Variants in ARHGAP30 observed in about 807,000 individuals in gnomAD.
ARHGAP30 encodes Rho GTPase activating protein 30.
ARHGAP30 carries 23 observed loss-of-function variants against 72.0 expected under a neutral mutation model. That is an observed-to-expected ratio of 0.32 (90% confidence interval 0.23 to 0.45). The LOEUF (loss-of-function observed/expected upper bound fraction) is 0.45. Ranked by LOEUF, ARHGAP30 falls within the 20% of genes least tolerant of loss-of-function variation. ARHGAP30 has a pLI of 1.00. For synonymous variants in ARHGAP30, 576 were observed against 528.2 expected (o/e 1.09, Z -1.24); for missense variants, 1,319 against 1,383.4 (o/e 0.95, Z 0.74).
intron 1 of ARHGAP30, among the ~76,000 whole-genome samples, chr1:161,065,577 T>A (rs1652697228): frequency 6.6e-6 from 1 of 152,050 alleles, no homozygotes; most frequent in Middle Eastern, 3.2e-3. Context: ...TTTCTTTTTT[T>A]TTCTGAGACG....
At chr1:161,054,547 A>G (rs1347828172) in intron 4 of ARHGAP30, 74 bp from the exon 5 acceptor site, 3 of 1,599,774 alleles carry the variant, frequency 1.9e-6, no homozygotes. Flanking sequence ...TGGGAGCAGT[A>G]GGACCCAGTT....
In ARHGAP30 at chr1:161,059,517, C is replaced by G. The variant is rs1571106502; in HGVS notation, c.200+97G>C. The G allele has an allele frequency of 4.8e-6, 5 of 1,032,792 alleles. No individual in the cohort carries two copies. In the East Asian group the frequency reaches 1.2e-4, roughly 25 times the overall value. 64.0% of individuals were successfully genotyped at this position (1,032,792 alleles called of 1,614,324 possible). ...CTGTGTTTCCTTCTCCCCACTGCCT[C>G]TCACTCCCCATCTCTGCTGTCCTCA... On this transcript the variant is annotated intron_variant, in intron 2 of 11. Transcript: ENST00000368013.
Position 161,052,725 on chromosome 1 carries a change from G to C in ARHGAP30, c.737C>G (p.Pro246Arg). The C allele has an allele frequency of 6.2e-7, 1 of 1,612,626 alleles. No homozygotes were observed. Among genetic ancestry groups the C allele is most frequent in the East Asian group, 2.2e-5 (1 of 44,886 alleles). ...AGGCAGGTGATAAGGCAGTGGCCTG[G>C]GCATAAGGTCCTCGGGGCTGCCTGA... is the stretch of plus-strand genomic sequence containing the variant. Reference protein sequence around the residue: ...RASGSPEDLMPRPLPYHLPSI... With the variant: ...RASGSPEDLMRRPLPYHLPSI... The change falls in exon 7 of 12, where the codon CCC becomes CGC. Residue 246 changes from proline to arginine, a missense_variant. Around this residue, in one of 2 missense-constraint regions of ARHGAP30, gnomAD observed 222 missense variants for 338.2 expected, o/e 0.66. Transcript: ENST00000368013.
chr1:161,047,988 C>T lies in ARHGAP30; in HGVS notation c.3033G>A (p.Glu1011=), dbSNP rs1263408929. Residue 1011 remains glutamate (E), a synonymous_variant, in exon 12 of 12, where the codon GAG becomes GAA. Coordinates refer to ENST00000368013, the MANE Select transcript of ARHGAP30 (RefSeq NM_001025598.2). ...VALARDRQRT[E]AQGVRRTQTC... ...TCTGGGTTCGCCGAACTCCTTGAGC[C>T]TCAGTCCTTTGGCGGTCCCGGGCTA... 13 of 1,614,052 alleles carry T rather than the reference C, an allele frequency of 8.1e-6. No individual in the cohort carries two copies. The highest frequency in any genetic ancestry group is 1.1e-5 in the Non-Finnish European group (13 of 1,180,028).
In ARHGAP30 at chr1:161,048,548, C is replaced by T. The variant is rs1651063810; in HGVS notation, c.2473G>A (p.Ala825Thr). 1.9e-6 allele frequency: 3 copies of T among 1,614,034 alleles called. No homozygotes were observed. The highest frequency in any genetic ancestry group is 2.5e-6 in the Non-Finnish European group (3 of 1,180,044). Reference sequence around the variant, plus strand: ...TCCCCTGCTCCTCCTTCAGTTGCTGCTTCTGGGCTTCTGCTGTCTTCACCA... The same window carrying T: ...TCCCCTGCTCCTCCTTCAGTTGCTGTTTCTGGGCTTCTGCTGTCTTCACCA... ...GDGEDSRSPE[A>T]ATEGGAGEVS... is the part of the protein sequence containing the mutation. Residue 825 changes from alanine (A) to threonine (T), a missense_variant, in exon 12 of 12, where the codon GCA becomes ACA. Coordinates refer to ENST00000368013, the MANE Select transcript of ARHGAP30 (RefSeq NM_001025598.2).
intron 1 of ARHGAP30, among the ~76,000 whole-genome samples, chr1:161,063,802 G>GCC (rs199777394): frequency 6.6e-6 from 1 of 151,512 alleles, no homozygotes; most frequent in Non-Finnish European, 1.5e-5. Flanking sequence ...GTCTCTGAAC[G>GCC]CCCCCCCCAC....
At chr1:161,064,831 GAGAAAGAAAGAAAGAAAGGAA>G (rs1171898677) in intron 1 of ARHGAP30, among the ~76,000 whole-genome samples, 2 of 73,834 alleles carry the variant, frequency 2.7e-5, no homozygotes, top group East Asian at 5.6e-4. Flanking sequence ...AAGAAAGAAA[GAGAAAGAAAGAAAGAAAGGAA>G]AGGAAGGAGA....
At position 161,049,628 on chromosome 1, in the gene ARHGAP30, C is replaced by G; in HGVS notation, c.1482G>C (p.Leu494Phe). 3 of 1,614,052 alleles carry G rather than the reference C, an allele frequency of 1.9e-6. No homozygotes were observed. The African/African-American group carries it at 4.0e-5, about 22-fold the overall frequency. Residue 494 changes from leucine to phenylalanine, a missense_variant, in exon 11 of 12, where the codon TTG becomes TTC. Physicochemically the swap from Leu to Phe is conservative, Grantham distance 22. This residue lies in a region of ARHGAP30 where 1,097 missense variants were observed against 1,045.2 expected (regional missense o/e 1.05). Transcript: ENST00000368013. Reference sequence around the variant, plus strand: ...ACAGCGAGTCCTCCAGGGCAGGAGCCAAGTCGTCTGGGCCTGAGTCTGCCA... The same window carrying G: ...ACAGCGAGTCCTCCAGGGCAGGAGCGAAGTCGTCTGGGCCTGAGTCTGCCA... The part of the protein sequence containing the change: ...SPLADSGPDD[L>F]APALEDSLSQ...
chr1:161,061,798 T>C (rs907055635), intron 1 of ARHGAP30, among the ~76,000 whole-genome samples: 2 of 152,058 alleles, frequency 1.3e-5, no homozygotes, highest in African/African-American at 4.8e-5. Flanking sequence ...TGATAGATCC[T>C]CAAAAATGGC....
chr1:161,055,881 A>AAAATAAATAAAATAAAAT (rs1553217954), intron 3 of ARHGAP30, among the ~76,000 whole-genome samples: 12 of 53,708 alleles, frequency 2.2e-4, no homozygotes, highest in Admixed American at 5.7e-4. Flanking sequence ...AAAATAAAAT[A>AAAATAAATAAAATAAAAT]AAAATAAATA....
Position 161,047,987 on chromosome 1 carries a change from C to T in ARHGAP30, c.3034G>A (p.Ala1012Thr). The T allele has an allele frequency of 6.2e-7, 1 of 1,614,150 alleles. No individual in the cohort carries two copies. The highest frequency in any genetic ancestry group is 1.1e-5 in the South Asian group (1 of 91,088). Reference sequence around the variant, plus strand: ...GTCTGGGTTCGCCGAACTCCTTGAGCCTCAGTCCTTTGGCGGTCCCGGGCT... The same window carrying T: ...GTCTGGGTTCGCCGAACTCCTTGAGTCTCAGTCCTTTGGCGGTCCCGGGCT... ...ALARDRQRTE[A>T]QGVRRTQTCT... The change falls in exon 12 of 12, where the codon GCT (alanine) becomes ACT (threonine). Residue 1012 changes from alanine (A) to threonine (T), a missense_variant. This residue lies in a region of ARHGAP30 where 1,097 missense variants were observed against 1,045.2 expected (regional missense o/e 1.05). Transcript: ENST00000368013.
At chr1:161,062,321 TCCAG>T (rs1483850266) in intron 1 of ARHGAP30, among the ~76,000 whole-genome samples, 1 of 152,132 alleles carries the variant, frequency 6.6e-6, no homozygotes, top group African/African-American at 2.4e-5. Context: ...CAGCCACAGC[TCCAG>T]ACAATTCCTT....
chr1:161,065,629 C>T (rs932922776), intron 1 of ARHGAP30, among the ~76,000 whole-genome samples: 4 of 149,262 alleles, frequency 2.7e-5, no homozygotes, highest in African/African-American at 9.9e-5. Context: ...TGCAATGGCG[C>T]GATCTCAGTT....
Position 161,049,146 on chromosome 1 carries a change from T to A in ARHGAP30, c.1875A>T (p.Pro625=). The change falls in exon 12 of 12, where the codon CCA becomes CCT. Residue 625 remains proline (P), a synonymous_variant. Coordinates refer to ENST00000368013, the MANE Select transcript of ARHGAP30 (RefSeq NM_001025598.2). ...DLSPLLGPKP[P]IWKGSGSLEG... is the part of the protein sequence containing the mutation. ...CCAGACTCCCTGAACCCTTCCAGAT[T>A]GGGGGTTTAGGTCCCAGAAGGGGAC... 1.2e-6 allele frequency: 2 copies of A among 1,614,062 alleles called. No homozygotes were observed. The highest frequency in any genetic ancestry group is 1.7e-6 in the Non-Finnish European group (2 of 1,180,010).
In ARHGAP30 at chr1:161,048,823, C is replaced by T. The variant is rs1406893065; in HGVS notation, c.2198G>A (p.Gly733Asp). 1 of 1,614,166 alleles carries T rather than the reference C, an allele frequency of 6.2e-7. No individual in the cohort carries two copies. The highest frequency in any genetic ancestry group is 2.2e-5 in the East Asian group (1 of 44,886). ...QKKADSMEAKGVEEPGGDEYT... is the reference protein window; with the variant it reads ...QKKADSMEAKDVEEPGGDEYT... The stretch of plus-strand genomic sequence containing the variant: ...CTCATCTCCTCCTGGTTCCTCCACA[C>T]CTTTAGCCTCCATACTGTCAGCCTT... Residue 733 changes from glycine to aspartate, a missense_variant, in exon 12 of 12, where the codon GGT becomes GAT. By Grantham distance (94) the Gly-to-Asp change is moderately conservative. This residue lies in a region of ARHGAP30 where 1,097 missense variants were observed against 1,045.2 expected (regional missense o/e 1.05). Coordinates refer to ENST00000368013, the MANE Select transcript of ARHGAP30 (RefSeq NM_001025598.2).
chr1:161,064,836 A>AG (rs1259358183), intron 1 of ARHGAP30, among the ~76,000 whole-genome samples: 3 of 30,580 alleles, frequency 9.8e-5, no homozygotes. Flanking sequence ...AGAAAGAGAA[A>AG]GAAAGAAAGA....
In ARHGAP30 at chr1:161,048,885, C is replaced by T. The variant is rs1296283959; in HGVS notation, c.2136G>A (p.Glu712=). Reference sequence around the variant, plus strand: ...TGGACTTCTCTTCCTTGGCCTCTGTCTCTTCCCTACTCCCTTCTCTCAATC... The same window carrying T: ...TGGACTTCTCTTCCTTGGCCTCTGTTTCTTCCCTACTCCCTTCTCTCAATC... ...KVRLREGSRE[E]TEAKEEKSKG... Residue 712 remains glutamate, a synonymous_variant, in exon 12 of 12, where the codon GAG becomes GAA. Coordinates refer to ENST00000368013, the MANE Select transcript of ARHGAP30 (RefSeq NM_001025598.2). 1 of 1,614,140 alleles carries T rather than the reference C, an allele frequency of 6.2e-7. No homozygotes were observed. Among genetic ancestry groups the T allele is most frequent in the Non-Finnish European group, 8.5e-7 (1 of 1,180,032 alleles).
chr1:161,055,855 AT>A (rs1651802277), intron 3 of ARHGAP30, among the ~76,000 whole-genome samples: 2 of 45,506 alleles, frequency 4.4e-5, no homozygotes, highest in African/African-American at 1.2e-4. Context: ...ATAAAATAAA[AT>A]AAATAAAATA....
rs1332490325 is a variant in ARHGAP30 at position 161,052,795 on chromosome 1, C to T, written c.667G>A (p.Gly223Ser). The T allele has an allele frequency of 6.2e-7, 1 of 1,610,256 alleles. No individual in the cohort carries two copies. Among genetic ancestry groups the T allele is most frequent in the South Asian group, 1.1e-5 (1 of 90,940 alleles). Residue 223 changes from glycine to serine, a missense_variant and splice_region_variant, in exon 7 of 12, where the codon GGT becomes AGT. By Grantham distance (56) the Gly-to-Ser change is moderately conservative. This residue lies in a region of ARHGAP30 where 222 missense variants were observed against 338.2 expected (regional missense o/e 0.66). Coordinates refer to ENST00000368013, the MANE Select transcript of ARHGAP30 (RefSeq NM_001025598.2). Reference sequence around the variant, plus strand: ...GATCGCCACCCACTCTCCACCTCACCACCTGGGAAAAGAAAAGGAATTGGC... The same window carrying T: ...GATCGCCACCCACTCTCCACCTCACTACCTGGGAAAAGAAAAGGAATTGGC... The part of the protein sequence containing the change: ...QLFGGAALSG[G>S]EVESGWRSLP...
Sources: gnomAD v4.1 joint callset for allele counts (sites outside exome capture counted in the v4.1 genomes callset) on GRCh38, gnomAD v4.1.1 for gene constraint, gnomAD v4.1.1 regional missense constraint, MANE v1.5 for transcripts, NCBI Gene and HGNC (gene_info 2026-07-23, HGNC 2026-07-21) for gene names.